IL1RAPL1: variants seen among roughly 807,000 people sequenced by gnomAD.
IL1RAPL1 encodes interleukin 1 receptor accessory protein like 1.
A neutral mutation model predicts 48.4 loss-of-function variants in IL1RAPL1; 3 were observed. The ratio of observed to expected loss-of-function variants is 0.06; its 90% CI spans 0.03 to 0.16. IL1RAPL1 has a LOEUF of 0.16. Among genes scored for constraint, IL1RAPL1 ranks in the 10% least tolerant of loss-of-function variants. The pLI is 1.00. For synonymous variants in IL1RAPL1, 185 were observed against 187.7 expected (o/e 0.99, Z 0.12); for missense variants, 349 against 530.6 (o/e 0.66, Z 3.36).
At chrX:29,129,531 T>G (rs187934694) in intron 2 of IL1RAPL1, among the ~76,000 whole-genome samples, 18 of 111,023 alleles carry the variant, frequency 1.6e-4, no homozygotes, top group Admixed American at 2.9e-4. Context: ...CTTCTCTTTG[T>G]ATTTTTTAAC....
intron 5 of IL1RAPL1, among the ~76,000 whole-genome samples, chrX:29,581,474 C>T (rs1429622196): frequency 9.0e-6 from 1 of 111,555 alleles, no homozygotes; most frequent in Admixed American, 9.5e-5. Flanking sequence ...TAGGCCTCTG[C>T]CAGGACAGAG....
chrX:29,262,700 A>T (rs920681051), intron 2 of IL1RAPL1, among the ~76,000 whole-genome samples: 2 of 111,433 alleles, frequency 1.8e-5, no homozygotes, highest in African/African-American at 6.5e-5. Context: ...GCTAAAAATA[A>T]GAATAATGCT....
intron 2 of IL1RAPL1, among the ~76,000 whole-genome samples, chrX:28,952,712 G>C (rs752612889): frequency 9.0e-6 from 1 of 111,323 alleles, no homozygotes; most frequent in African/African-American, 3.2e-5. Flanking sequence ...TGTTTGAAAA[G>C]AAAGGAAAAG....
At position 28,676,272 on chromosome X, in the gene IL1RAPL1, CAGAA is replaced by C. The variant is rs1417750502; in HGVS notation, c.-25+88226_-25+88229del. On this transcript the variant is annotated intron_variant, in intron 1 of 10. Coordinates refer to ENST00000378993, the MANE Select transcript of IL1RAPL1 (RefSeq NM_014271.4). ...AGAAAATTTAAAAATCAGGAATAGA[CAGAA>C]GGAAGGATTCACATCTATATTTATC... 3.6e-5 allele frequency among the ~76,000 whole-genome samples: 4 copies of C among 111,683 alleles called. No homozygotes were observed. The East Asian group carries it at 8.5e-4, about 24-fold the overall frequency.
At chrX:29,762,873 T>G (rs1300373095) in intron 6 of IL1RAPL1, among the ~76,000 whole-genome samples, 2 of 110,971 alleles carry the variant, frequency 1.8e-5, no homozygotes, top group African/African-American at 6.5e-5. Context: ...AGGTAATTGC[T>G]CAGAAGGCTA....
At chrX:29,308,950 T>C (rs960183722) in intron 3 of IL1RAPL1, among the ~76,000 whole-genome samples, 7 of 112,100 alleles carry the variant, frequency 6.2e-5, no homozygotes, top group African/African-American at 1.9e-4. Context: ...AAGTCCCCCA[T>C]TGAAATGCAA....
At chrX:28,751,927 G>A (rs1298310383) in intron 1 of IL1RAPL1, among the ~76,000 whole-genome samples, 3 of 110,980 alleles carry the variant, frequency 2.7e-5, no homozygotes, top group African/African-American at 9.8e-5. Context: ...CTGTGTAATC[G>A]CTGTGTGACC....
chrX:29,377,951 T>A, intron 3 of IL1RAPL1, among the ~76,000 whole-genome samples: 1 of 111,364 alleles, frequency 9.0e-6, no homozygotes, highest in Admixed American at 9.5e-5. Flanking sequence ...CTCAAACATA[T>A]TTTTTAAGTT....
At chrX:28,881,431 C>A (rs181003753) in intron 2 of IL1RAPL1, among the ~76,000 whole-genome samples, 3 of 111,214 alleles carry the variant, frequency 2.7e-5, no homozygotes, top group Non-Finnish European at 5.7e-5. Flanking sequence ...GGGTGTAAGA[C>A]GACAGAGAAT....
intron 1 of IL1RAPL1, among the ~76,000 whole-genome samples, chrX:28,776,868 A>T (rs113693542): frequency 0.014 from 1,525 of 112,045 alleles, 34 homozygotes; most frequent in African/African-American, 0.046. Flanking sequence ...ACTTACAGGC[A>T]TTGAAAACTG....
intron 2 of IL1RAPL1, among the ~76,000 whole-genome samples, chrX:29,254,737 C>T (rs1385392188): frequency 9.0e-6 from 1 of 111,150 alleles, no homozygotes; most frequent in Non-Finnish European, 1.9e-5. Context: ...TGTTGGCAGC[C>T]TGACAGTGAC....
chrX:29,490,848 G>A (rs1288242801), intron 5 of IL1RAPL1, among the ~76,000 whole-genome samples: 5 of 58,154 alleles, frequency 8.6e-5, no homozygotes, highest in African/African-American at 8.2e-4. Context: ...GTGTGTGTGT[G>A]TGTGTATATA....
chrX:29,556,157 A>T (rs1360830009), intron 5 of IL1RAPL1, among the ~76,000 whole-genome samples: 1 of 111,729 alleles, frequency 9.0e-6, no homozygotes, highest in Admixed American at 9.5e-5. Flanking sequence ...AGTCAGGGGA[A>T]CATGGGGATA....
At position 29,286,957 on chromosome X, in the gene IL1RAPL1, G is replaced by T. The variant is rs147544597; in HGVS notation, c.362+3740G>T. 2.3e-3 allele frequency among the ~76,000 whole-genome samples: 249 copies of T among 109,888 alleles called. 1 individual carries two copies. Among genetic ancestry groups the T allele is most frequent in the African/African-American group, 7.7e-3 (233 of 30,164 alleles). The stretch of plus-strand genomic sequence containing the variant: ...AGAGATGCCATACCCAGATTTGCTC[G>T]GTGGTAGCATTTTGTAAAACTGTGG... On this transcript the variant is annotated intron_variant, in intron 3 of 10. Transcript: ENST00000378993.
chrX:28,724,293 A>G (rs1355800059), intron 1 of IL1RAPL1, among the ~76,000 whole-genome samples: 3 of 111,746 alleles, frequency 2.7e-5, no homozygotes, highest in Admixed American at 1.9e-4. Flanking sequence ...TTGGGTGCAT[A>G]TATATTTAAG....
Position 28,991,916 on chromosome X carries a change from A to G in IL1RAPL1, c.82+202491A>G, listed in dbSNP as rs148552045. On this transcript the variant is annotated intron_variant, in intron 2 of 10. Transcript: ENST00000378993. ...CACTAGTAATTATGTGAATAATAAA[A>G]TAGATGCAATCCCTGACATTGTGGA... is the stretch of plus-strand genomic sequence containing the variant. Among the ~76,000 whole-genome samples, 103 of 112,069 alleles carry G rather than the reference A, an allele frequency of 9.2e-4. 1 individual carries two copies. Among genetic ancestry groups the G allele is most frequent in the African/African-American group, 3.3e-3 (102 of 30,894 alleles).
chrX:29,601,175 CTA>C (rs919840044), intron 5 of IL1RAPL1, among the ~76,000 whole-genome samples: 1 of 111,946 alleles, frequency 8.9e-6, no homozygotes, highest in Non-Finnish European at 1.9e-5. Context: ...TAGCATACTT[CTA>C]GTTATTATTT....
At chrX:29,859,327 CTT>C (rs1392939447) in intron 6 of IL1RAPL1, among the ~76,000 whole-genome samples, 1 of 111,915 alleles carries the variant, frequency 8.9e-6, no homozygotes, top group Non-Finnish European at 1.9e-5. Context: ...TAAATTAAGA[CTT>C]TGGAATTTAC....
At chrX:29,162,186 A>G (rs1254867249) in intron 2 of IL1RAPL1, among the ~76,000 whole-genome samples, 3 of 110,677 alleles carry the variant, frequency 2.7e-5, no homozygotes, top group Admixed American at 9.7e-5. Flanking sequence ...GGAGGGGAAC[A>G]TCACACACGG....
Sources: gnomAD v4.1 joint callset for allele counts (sites outside exome capture counted in the v4.1 genomes callset) on GRCh38, gnomAD v4.1.1 for gene constraint, MANE v1.5 for transcripts, NCBI Gene and HGNC (gene_info 2026-07-23, HGNC 2026-07-21) for gene names.